Variants in DNMT3B observed in about 807,000 individuals in gnomAD.
DNMT3B encodes the protein DNA methyltransferase 3 beta, also known as DNA (cytosine-5)-methyltransferase 3B.
Under a neutral mutation model 120.2 loss-of-function variants are expected in DNMT3B, and 37 were observed. That is an observed-to-expected ratio of 0.31 (90% CI 0.24 to 0.40). The LOEUF (loss-of-function observed/expected upper bound fraction) is 0.40, where lower values mean the gene tolerates loss of function less well. DNMT3B is among the 10% of genes least tolerant of loss of function. The probability of loss-of-function intolerance (pLI) is 1.00; values close to 1 mark genes in which losing one functional copy is unlikely to be tolerated. For synonymous variants in DNMT3B, 412 were observed against 442.8 expected (o/e 0.93, Z 0.87); for missense variants, 878 against 1,137.3 (o/e 0.77, Z 3.28).
At chr20:32,778,555 G>A (rs958479814) in intron 1 of DNMT3B, among the ~76,000 whole-genome samples, 3 of 152,172 alleles carry the variant, frequency 2.0e-5, no homozygotes, top group Non-Finnish European at 4.4e-5. Context: ...GCAGGTGCAG[G>A]GTCTGGAATT....
chr20:32,772,192 C>T (rs756778659), intron 1 of DNMT3B, among the ~76,000 whole-genome samples: 6 of 152,082 alleles, frequency 3.9e-5, no homozygotes, highest in African/African-American at 1.4e-4. Context: ...GAGGCCTTGG[C>T]GAGAGCTTTG....
chr20:32,800,871 G>A lies in DNMT3B; in HGVS notation c.1942G>A (p.Gly648Arg). ...EWGPFDLVIG[G>R]SPCNDLSNVN... is the part of the protein sequence containing the mutation. ...GGGCCCATTTGACTTGGTGATTGGC[G>A]GAAGCCCATGCAACGATCTCTCAAA... The change falls in exon 18 of 23, where the codon GGA (glycine) becomes AGA (arginine). Residue 648 changes from glycine to arginine, a missense_variant. Transcript: ENST00000328111. The A allele has an allele frequency of 3.1e-6, 5 of 1,614,180 alleles. No homozygotes were observed. The highest frequency in any genetic ancestry group is 1.7e-6 in the Non-Finnish European group (2 of 1,180,038).
At position 32,808,334 on chromosome 20, in the gene DNMT3B, A is replaced by C; in HGVS notation, c.*431A>C. The stretch of plus-strand genomic sequence containing the variant: ...TTATTGCAAGAGTTTAATTTTTGAA[A>C]ACTGGCTACTGCTCTGTGTTTACAG... On this transcript the variant is annotated 3_prime_UTR_variant, in exon 23 of 23. Transcript: ENST00000328111. The C allele has an allele frequency of 3.2e-6, 1 of 311,980 alleles. No individual in the cohort carries two copies. The highest frequency in any genetic ancestry group is 6.0e-6 in the Non-Finnish European group (1 of 165,330). The allele number at this position is 311,980 out of a possible 1,614,324, so 19.3% of individuals were successfully genotyped here. A position where few individuals can be genotyped will look rare whatever the true frequency, so the allele number is the denominator to read the frequency against.
intron 1 of DNMT3B, among the ~76,000 whole-genome samples, chr20:32,765,208 G>A (rs1987236550): frequency 6.6e-6 from 1 of 152,296 alleles, no homozygotes; most frequent in Middle Eastern, 3.4e-3. Context: ...TTTTCAGGAT[G>A]ATTTCCAGTT....
chr20:32,799,819 G>A (rs1981098082), intron 16 of DNMT3B, among the ~76,000 whole-genome samples: 1 of 152,234 alleles, frequency 6.6e-6, no homozygotes, highest in Non-Finnish European at 1.5e-5. Flanking sequence ...TGCCTGGGCA[G>A]TCTTGGTCAT....
At chr20:32,801,930 A>G (rs1459703701) in intron 19 of DNMT3B, among the ~76,000 whole-genome samples, 1 of 152,180 alleles carries the variant, frequency 6.6e-6, no homozygotes, top group Non-Finnish European at 1.5e-5. Context: ...CAACTCTTTG[A>G]AGTCAGAAAT....
chr20:32,806,034 C>G (rs1981939189), intron 21 of DNMT3B, among the ~76,000 whole-genome samples, 175 bp from the exon 22 acceptor site: 1 of 152,042 alleles, frequency 6.6e-6, no homozygotes, highest in Non-Finnish European at 1.5e-5. Context: ...CCTGCCATTC[C>G]TCTCCCGCGC....
At chr20:32,802,505 C>T in intron 20 of DNMT3B, 35 bp downstream of exon 20, 1 of 1,588,478 alleles carries the variant, frequency 6.3e-7, no homozygotes, top group South Asian at 1.1e-5. Context: ...AGGTAACAGC[C>T]AAGTTAAATA....
At chr20:32,775,713 A>G (rs1316325372) in intron 1 of DNMT3B, among the ~76,000 whole-genome samples, 1 of 152,246 alleles carries the variant, frequency 6.6e-6, no homozygotes, top group East Asian at 1.9e-4. Flanking sequence ...CTGGTATATC[A>G]TGTCCCAGCC....
Position 32,796,820 on chromosome 20 carries a change from C to G in DNMT3B, c.1328C>G (p.Pro443Arg). The G allele has an allele frequency of 6.2e-7, 1 of 1,614,192 alleles. No homozygotes were observed. Among genetic ancestry groups the G allele is most frequent in the South Asian group, 1.1e-5 (1 of 91,082 alleles). ...DGCLSCGRKN[P>R]VSFHPLFEGG... ...TGTTTGTCTTGTGGCAGGAAAAACC[C>G]CGTGTCCTTCCACCCTCTCTTTGAG... The change falls in exon 13 of 23, where the codon CCC becomes CGC. Residue 443 changes from proline to arginine, a missense_variant. Physicochemically the swap from Pro to Arg is moderately radical, Grantham distance 103. Transcript: ENST00000328111.
At chr20:32,787,140 T>C in intron 5 of DNMT3B, 90 bp from the exon 6 acceptor site, 2 of 1,483,464 alleles carry the variant, frequency 1.3e-6, no homozygotes, top group Non-Finnish European at 1.9e-6. Flanking sequence ...TCCTCTTTCT[T>C]TTTGCCTAGG....
chr20:32,785,309 G>T (rs1979140638), intron 4 of DNMT3B, among the ~76,000 whole-genome samples: 1 of 152,182 alleles, frequency 6.6e-6, no homozygotes, highest in African/African-American at 2.4e-5. Context: ...TAAAGTGCTG[G>T]GATTTCAGGT....
At position 32,796,821 on chromosome 20, in the gene DNMT3B, C is replaced by G. The variant is rs1445023772; in HGVS notation, c.1329C>G (p.Pro443=). 3 of 1,614,084 alleles carry G rather than the reference C, an allele frequency of 1.9e-6. No homozygotes were observed. In the Admixed American group the frequency reaches 5.0e-5, roughly 27 times the overall value. ...DGCLSCGRKN[P]VSFHPLFEGG... is the part of the protein sequence containing the mutation. ...GTTTGTCTTGTGGCAGGAAAAACCC[C>G]GTGTCCTTCCACCCTCTCTTTGAGG... The change falls in exon 13 of 23, where the codon CCC becomes CCG. Residue 443 remains proline, a synonymous_variant. Coordinates refer to ENST00000328111, the MANE Select transcript of DNMT3B (RefSeq NM_006892.4).
intron 1 of DNMT3B, among the ~76,000 whole-genome samples, chr20:32,765,754 TTTTC>T (rs1381809258): frequency 0.018 from 1,879 of 104,448 alleles, 196 homozygotes; most frequent in African/African-American, 0.12. Context: ...TTTTTTCTTT[TTTTC>T]TTTTTTTTTT....
chr20:32,784,635 G>A (rs1979033715), intron 3 of DNMT3B, 123 bp from the exon 4 acceptor site: 2 of 1,029,312 alleles, frequency 1.9e-6, no homozygotes, highest in Middle Eastern at 2.3e-4. Context: ...AGTGTGTTGT[G>A]ATGAGTGACC....
rs1348564459 is a variant in DNMT3B at position 32,807,797 on chromosome 20, C to G, written c.2456C>G (p.Ser819Cys). Residue 819 changes from serine to cysteine, a missense_variant, in exon 23 of 23, where the codon TCC (serine) becomes TGC (cysteine). Ser to Cys is a moderately radical substitution (Grantham distance 112). This residue lies in a region of DNMT3B where 334 missense variants were observed against 518.8 expected (regional missense o/e 0.64). Transcript: ENST00000328111. ...TTTCCTGTGCACTACACAGACGTGT[C>G]CAACATGGGCCGTGGTGCCCGCCAG... ...FGFPVHYTDV[S>C]NMGRGARQKL... is the part of the protein sequence containing the mutation. 6.2e-7 allele frequency: 1 copy of G among 1,614,162 alleles called. No homozygotes were observed. Among genetic ancestry groups the G allele is most frequent in the Non-Finnish European group, 8.5e-7 (1 of 1,180,026 alleles).
chr20:32,806,895 C>T (rs763006719), intron 22 of DNMT3B, among the ~76,000 whole-genome samples: 1 of 152,166 alleles, frequency 6.6e-6, no homozygotes, highest in Non-Finnish European at 1.5e-5. Context: ...TTCCTCTTTA[C>T]ATGTATTCTG....
At chr20:32,806,792 TTC>T (rs1982030658) in intron 22 of DNMT3B, among the ~76,000 whole-genome samples, 1 of 151,308 alleles carries the variant, frequency 6.6e-6, no homozygotes, top group South Asian at 2.1e-4. Context: ...TTCTGTTCTG[TTC>T]TGTTTTCTTT....
At chr20:32,779,743 T>G in intron 1 of DNMT3B, 2 of 276,970 alleles carry the variant, frequency 7.2e-6, no homozygotes, top group African/African-American at 3.1e-5. Flanking sequence ...AGCAGACCAA[T>G]GGGCCCTGGA....
Sources: gnomAD v4.1 joint callset for allele counts (sites outside exome capture counted in the v4.1 genomes callset) on GRCh38, gnomAD v4.1.1 for gene constraint, gnomAD v4.1.1 regional missense constraint, MANE v1.5 for transcripts, NCBI Gene and HGNC (gene_info 2026-07-23, HGNC 2026-07-21) for gene names.